The following LRP1B variants were observed in gnomAD, a reference collection of about 807,000 sequenced individuals.
LRP1B encodes low-density lipoprotein receptor-related protein 1B.
Under a neutral mutation model 556.6 loss-of-function variants are expected in LRP1B, and 217 were observed. The ratio of observed to expected loss-of-function variants is 0.39; its 90% CI spans 0.35 to 0.44. LRP1B has a LOEUF of 0.44. Ranked by LOEUF, LRP1B falls within the 20% of genes least tolerant of loss-of-function variation. The pLI is 1.00. For missense variants in LRP1B, 5,053 were observed against 5,620.8 expected (o/e 0.90, Z 3.23); for synonymous variants, 2,047 against 1,865.8 (o/e 1.10, Z -2.50).
chr2:141,440,610 A>G (rs1429315819), intron 3 of LRP1B, among the ~76,000 whole-genome samples: 1 of 152,110 alleles, frequency 6.6e-6, no homozygotes, highest in Non-Finnish European at 1.5e-5. Context: ...ATTTACTTCT[A>G]CTGTACAGTA....
intron 1 of LRP1B, among the ~76,000 whole-genome samples, chr2:141,996,005 G>GCA (rs1702478703): frequency 6.6e-6 from 1 of 152,078 alleles, no homozygotes; most frequent in Admixed American, 6.6e-5. Flanking sequence ...TGTAATCCCA[G>GCA]CACTTTTGAA....
chr2:140,322,198 C>T, intron 81 of LRP1B, 110 bp from the exon 82 acceptor site: 1 of 1,076,754 alleles, frequency 9.3e-7, no homozygotes, highest in South Asian at 1.4e-5. Context: ...GAAAAGTAAT[C>T]ACATTAAATT....
rs59699046 is a variant in LRP1B, at chr2:141,212,249, A to ATTTTTTTTTTTTTTTTTTTTTTTT, written c.850+16910_850+16933dup. Among the ~76,000 whole-genome samples, 3 of 62,270 alleles carry ATTTTTTTTTTTTTTTTTTTTTTTT rather than the reference A, an allele frequency of 4.8e-5. 1 individual carries two copies. Among genetic ancestry groups the ATTTTTTTTTTTTTTTTTTTTTTTT allele is most frequent in the African/African-American group, 6.6e-5 (1 of 15,158 alleles). 40.9% of individuals were successfully genotyped at this position (62,270 alleles called of 152,430 possible). On this transcript the variant is annotated intron_variant, in intron 6 of 90. Coordinates refer to ENST00000389484, the MANE Select transcript of LRP1B (RefSeq NM_018557.3). ...AAGATATATTGATCAAAAAGTCTAGATTTTTTTTTTTTTTTTTTTTTTTTT... is the reference window on the plus strand; with the variant it reads ...AAGATATATTGATCAAAAAGTCTAGATTTTTTTTTTTTTTTTTTTTTTTTTTTTTTTTTTTTTTTTTTTTTTTTT...
intron 3 of LRP1B, among the ~76,000 whole-genome samples, chr2:141,395,302 T>C (rs1485852973): frequency 4.6e-5 from 7 of 152,142 alleles, no homozygotes; most frequent in Middle Eastern, 3.2e-3. Context: ...ACCATTTTTT[T>C]ATCTGTTATA....
At chr2:141,912,273 G>A (rs1183591433) in intron 1 of LRP1B, among the ~76,000 whole-genome samples, 2 of 152,106 alleles carry the variant, frequency 1.3e-5, no homozygotes, top group East Asian at 1.9e-4. Context: ...GACTTTTTAT[G>A]TATAATTCCA....
chr2:141,313,361 A>G (rs1335447340), intron 3 of LRP1B, among the ~76,000 whole-genome samples: 4 of 152,130 alleles, frequency 2.6e-5, no homozygotes, highest in Admixed American at 2.6e-4. Context: ...TTGTAAAAAA[A>G]GAAAAAAAAA....
intron 35 of LRP1B, among the ~76,000 whole-genome samples, chr2:140,722,998 G>A (rs1258027419): frequency 2.6e-5 from 4 of 152,086 alleles, no homozygotes; most frequent in Non-Finnish European, 5.9e-5. Flanking sequence ...AGCCGAGATC[G>A]CGCCACTGCA....
chr2:141,335,317 CA>C (rs1383416776), intron 3 of LRP1B, among the ~76,000 whole-genome samples: 1 of 152,140 alleles, frequency 6.6e-6, no homozygotes, highest in Non-Finnish European at 1.5e-5. Context: ...TTATTCTGAA[CA>C]GAAGTTCATT....
chr2:140,541,669 A>AT (rs1680137427), intron 44 of LRP1B, 110 bp downstream of exon 44: 1 of 886,108 alleles, frequency 1.1e-6, no homozygotes, highest in Non-Finnish European at 1.6e-6. Flanking sequence ...AAAAAATAAT[A>AT]TTTTTTAAAA....
Position 140,514,769 on chromosome 2 carries a change from G to T in LRP1B, c.8153C>A (p.Ser2718Tyr). The change falls in exon 51 of 91, where the codon TCT (serine) becomes TAT (tyrosine). Residue 2718 changes from serine to tyrosine, a missense_variant. Physicochemically the swap from Ser to Tyr is moderately radical, Grantham distance 144. Around this residue, in one of 5 missense-constraint regions of LRP1B, gnomAD observed 3,619 missense variants for 3,931.9 expected, o/e 0.92. Coordinates refer to ENST00000389484, the MANE Select transcript of LRP1B (RefSeq NM_018557.3). ...AGCAAATTGGTTCCAAGAGCAAGAA[G>T]AATCTAGGAAACAAACAAAAGGAAA... ...EDGRDEFHCD[S>Y]SCSWNQFACS... 6.2e-7 allele frequency: 1 copy of T among 1,600,928 alleles called. No individual in the cohort carries two copies. The highest frequency in any genetic ancestry group is 1.1e-5 in the South Asian group (1 of 89,110).
At position 140,450,597 on chromosome 2, in the gene LRP1B, C is replaced by A. The variant is rs372208989; in HGVS notation, c.10028G>T (p.Gly3343Val). The A allele has an allele frequency of 1.2e-6, 2 of 1,612,616 alleles. No individual in the cohort carries two copies. Among genetic ancestry groups the A allele is most frequent in the African/African-American group, 2.7e-5 (2 of 74,826 alleles). The change falls in exon 63 of 91, where the codon GGT (glycine) becomes GTT (valine). Residue 3343 changes from glycine to valine, a missense_variant. By Grantham distance (109) the Gly-to-Val change is moderately radical (BLOSUM62 -3). This residue lies in a region of LRP1B where 262 missense variants were observed against 395.1 expected (regional missense o/e 0.66). Transcript: ENST00000389484. Reference protein sequence around the residue: ...WWKCDTVDDCGDGSDEPDDCP... With the variant: ...WWKCDTVDDCVDGSDEPDDCP... ...GTCATCAGGTTCATCAGATCCATCA[C>A]CACAGTCATCCACGGTGTCACATTT... is the stretch of plus-strand genomic sequence containing the variant.
intron 1 of LRP1B, among the ~76,000 whole-genome samples, chr2:142,061,104 T>C (rs1288517293): frequency 1.3e-5 from 2 of 152,036 alleles, no homozygotes; most frequent in African/African-American, 2.4e-5. Context: ...GGAATTATCA[T>C]TATTAATTCC....
At chr2:141,828,779 T>C (rs771174230) in intron 1 of LRP1B, among the ~76,000 whole-genome samples, 1 of 152,120 alleles carries the variant, frequency 6.6e-6, no homozygotes, top group Admixed American at 6.6e-5. Flanking sequence ...GATCTGGTAC[T>C]CTTCCCTGTT....
chr2:141,747,951 C>T (rs781268954), intron 2 of LRP1B, among the ~76,000 whole-genome samples: 27 of 152,202 alleles, frequency 1.8e-4, no homozygotes, highest in Non-Finnish European at 3.5e-4. Context: ...AGATTAATGA[C>T]TCTGAGAATT....
At chr2:141,491,489 G>GTTCTAACTGGGTGATAGC (rs1217495760) in intron 2 of LRP1B, among the ~76,000 whole-genome samples, 1 of 135,374 alleles carries the variant, frequency 7.4e-6, no homozygotes. Flanking sequence ...TACTTTACCT[G>GTTCTAACTGGGTGATAGC]TTCTAACTGG....
intron 1 of LRP1B, among the ~76,000 whole-genome samples, chr2:141,956,964 G>A (rs540951558): frequency 6.6e-6 from 1 of 152,000 alleles, no homozygotes; most frequent in Non-Finnish European, 1.5e-5. Context: ...TATTAAAGGA[G>A]AAAATACTTC....
intron 4 of LRP1B, among the ~76,000 whole-genome samples, chr2:141,250,497 A>G (rs1684220998): frequency 6.6e-6 from 1 of 152,086 alleles, no homozygotes; most frequent in South Asian, 2.1e-4. Context: ...TCCCTCTCCC[A>G]CCTTCCCGTT....
intron 7 of LRP1B, among the ~76,000 whole-genome samples, chr2:141,173,489 C>T (rs1680596222): frequency 6.6e-6 from 1 of 152,080 alleles, no homozygotes; most frequent in Admixed American, 6.6e-5. Context: ...TAATCCAACC[C>T]ATGCTACACA....
chr2:141,500,520 A>G (rs4311009), intron 2 of LRP1B, among the ~76,000 whole-genome samples: 47,713 of 152,024 alleles, frequency 0.31, 8,527 homozygotes, highest in East Asian at 0.55. Context: ...AAGGTTTCTC[A>G]TTCTATAAAA....
Sources: gnomAD v4.1 joint callset for allele counts (sites outside exome capture counted in the v4.1 genomes callset) on GRCh38, gnomAD v4.1.1 for gene constraint, gnomAD v4.1.1 regional missense constraint, MANE v1.5 for transcripts, NCBI Gene and HGNC (gene_info 2026-07-23, HGNC 2026-07-21) for gene names.